The following FMR1 variants were observed in gnomAD, a reference collection of about 807,000 sequenced individuals.
FMR1 encodes the protein fragile X messenger ribonucleoprotein 1.
A neutral mutation model predicts 50.6 loss-of-function variants in FMR1; 13 were observed. The observed-to-expected ratio is 0.26, with a 90% CI of 0.17 to 0.41. The LOEUF is 0.41. Among genes scored for constraint, FMR1 ranks in the 10% least tolerant of loss-of-function variants. The pLI is 1.00. For missense variants in FMR1, 316 were observed against 491.3 expected (o/e 0.64, Z 3.37); for synonymous variants, 138 against 164.1 (o/e 0.84, Z 1.22).
At chrX:147,926,564 T>C (rs1215140664) in intron 3 of FMR1, among the ~76,000 whole-genome samples, 1 of 110,740 alleles carries the variant, frequency 9.0e-6, no homozygotes, top group Non-Finnish European at 1.9e-5. Flanking sequence ...CTTGGCTCCC[T>C]GCAACCTCCG....
rs1473910950 is a variant in FMR1, at chrX:147,925,587, C to A, written c.152C>A (p.Pro51His). 1 of 1,205,407 alleles carries A rather than the reference C, an allele frequency of 8.3e-7. No homozygotes were observed. Among genetic ancestry groups the A allele is most frequent in the Admixed American group, 2.2e-5 (1 of 46,033 alleles). ...QIPFHDVRFP[P>H]PVGYNKDINE... is the part of the protein sequence containing the mutation. ...CCATTTCATGATGTCAGATTCCCACCTCCTGTAGGTTATAATAAAGATATA... is the reference window on the plus strand; with the variant it reads ...CCATTTCATGATGTCAGATTCCCACATCCTGTAGGTTATAATAAAGATATA... The change falls in exon 3 of 17, where the codon CCT becomes CAT. Residue 51 changes from proline (P) to histidine (H), a missense_variant. Coordinates refer to ENST00000370475, the MANE Select transcript of FMR1 (RefSeq NM_002024.6).
chrX:147,915,750 G>A (rs982751013), intron 1 of FMR1, among the ~76,000 whole-genome samples: 3 of 111,600 alleles, frequency 2.7e-5, no homozygotes, highest in Admixed American at 9.5e-5. Flanking sequence ...GCCAGGCACT[G>A]TTCTCTCTGA....
chrX:147,944,483 T>C (rs1365248785), intron 14 of FMR1: 1 of 751,715 alleles, frequency 1.3e-6, no homozygotes, highest in Non-Finnish European at 1.6e-6. Context: ...TAAAAGGAGC[T>C]CTCTTTTTAG....
At position 147,925,522 on chromosome X, in the gene FMR1, A is replaced by G. The variant is rs781866021; in HGVS notation, c.105-18A>G. The G allele has an allele frequency of 6.4e-6, 7 of 1,088,140 alleles. No homozygotes were observed. In the South Asian group the frequency reaches 1.1e-4, roughly 17 times the overall value. 89.7% of individuals were successfully genotyped at this position (1,088,140 alleles called of 1,213,427 possible). On this transcript the variant is annotated intron_variant, in intron 2 of 16. Coordinates refer to ENST00000370475, the MANE Select transcript of FMR1 (RefSeq NM_002024.6). ...CATGAAAAGCATGTTAAATAATTGT[A>G]TGTTTGCTTATTTACAGCTGGCAGC...
intron 15 of FMR1, 78 bp downstream of exon 15, chrX:147,945,129 A>G (rs1266347870): frequency 3.5e-6 from 4 of 1,150,306 alleles, no homozygotes; most frequent in Non-Finnish European, 4.7e-6. Context: ...CTATTGATGC[A>G]ATGAACTGTT....
In FMR1 at chrX:147,940,560, G is replaced by A; in HGVS notation, c.1189-16G>A. On this transcript the variant is annotated splice_polypyrimidine_tract_variant and intron_variant, in intron 12 of 16. Coordinates refer to ENST00000370475, the MANE Select transcript of FMR1 (RefSeq NM_002024.6). ...TCATTACTTTTATAGGATCATTGTTGCAATTTCTTTTTCAGGGTATGGTAC... is the reference window on the plus strand; with the variant it reads ...TCATTACTTTTATAGGATCATTGTTACAATTTCTTTTTCAGGGTATGGTAC... 1 of 1,081,998 alleles carries A rather than the reference G, an allele frequency of 9.2e-7. No homozygotes were observed. The highest frequency in any genetic ancestry group is 1.3e-6 in the Non-Finnish European group (1 of 777,232). The allele number at this position is 1,081,998 out of a possible 1,213,427, so 89.2% of individuals were successfully genotyped here. A position where few individuals can be genotyped will look rare whatever the true frequency, so the allele number is the denominator to read the frequency against.
Position 147,949,490 on chromosome X carries a change from T to C in FMR1, c.*646T>C, listed in dbSNP as rs782059731. 1 of 329,908 alleles carries C rather than the reference T, an allele frequency of 3.0e-6. No homozygotes were observed. Among genetic ancestry groups the C allele is most frequent in the Non-Finnish European group, 5.9e-6 (1 of 170,037 alleles). The allele number at this position is 329,908 out of a possible 1,213,427, so 27.2% of individuals were successfully genotyped here. A position where few individuals can be genotyped will look rare whatever the true frequency, so the allele number is the denominator to read the frequency against. The stretch of plus-strand genomic sequence containing the variant: ...AATGTTAAAGATGTAGCAAACCCTG[T>C]CAAACATTAGTACTTTATAGAAGAA... On this transcript the variant is annotated 3_prime_UTR_variant, in exon 17 of 17. Transcript: ENST00000370475.
intron 1 of FMR1, chrX:147,913,008 G>T (rs1411493052): frequency 4.0e-6 from 1 of 252,631 alleles, no homozygotes; most frequent in Non-Finnish European, 7.0e-6. Flanking sequence ...CATTAGCAGC[G>T]CTGCTACTTA....
intron 16 of FMR1, 55 bp from the exon 17 acceptor site, chrX:147,948,628 T>C: frequency 8.3e-7 from 1 of 1,209,126 alleles, no homozygotes; most frequent in East Asian, 3.0e-5. Flanking sequence ...GTCAGGCCAA[T>C]TACAGATTAC....
chrX:147,921,453 G>T lies in FMR1; in HGVS notation c.52-480G>T, dbSNP rs782269108. ...TTGTTAAAGAAAGTTTAGTATATTTGTGTGTGCGTATATATATATATATAG... is the reference window on the plus strand; with the variant it reads ...TTGTTAAAGAAAGTTTAGTATATTTTTGTGTGCGTATATATATATATATAG... On this transcript the variant is annotated intron_variant, in intron 1 of 16. Coordinates refer to ENST00000370475, the MANE Select transcript of FMR1 (RefSeq NM_002024.6). 4.3e-4 allele frequency among the ~76,000 whole-genome samples: 47 copies of T among 109,622 alleles called. No individual in the cohort carries two copies. The East Asian group carries it at 0.013, about 30-fold the overall frequency.
chrX:147,925,076 G>A (rs1259620046), intron 2 of FMR1: 1 of 141,862 alleles, frequency 7.0e-6, no homozygotes, highest in Non-Finnish European at 1.4e-5. Flanking sequence ...AATTGCTAAT[G>A]TGCTGATAGC....
In FMR1 at chrX:147,932,445, G is replaced by A. The variant is rs146297962; in HGVS notation, c.651G>A (p.Ser217=). The A allele has an allele frequency of 5.7e-4, 684 of 1,208,720 alleles. No individual in the cohort carries two copies. The highest frequency in any genetic ancestry group is 1.6e-3 in the South Asian group (88 of 56,767). Residue 217 remains serine, a synonymous_variant, in exon 8 of 17, where the codon TCG becomes TCA. Coordinates refer to ENST00000370475, the MANE Select transcript of FMR1 (RefSeq NM_002024.6). ...KQLESSRQLA[S]RFHEQFIVRE... Reference sequence around the variant, plus strand: ...TTCAGAGTTCAAGGCAGCTTGCCTCGAGATTTCATGAACAGTTTATCGTAA... The same window carrying A: ...TTCAGAGTTCAAGGCAGCTTGCCTCAAGATTTCATGAACAGTTTATCGTAA...
intron 7 of FMR1, 46 bp from the exon 8 acceptor site, chrX:147,932,379 G>A (rs1569545758): frequency 1.2e-5 from 14 of 1,148,143 alleles, no homozygotes; most frequent in East Asian, 3.0e-5. Context: ...TACAGTTGTC[G>A]TAATAGTTGA....
At chrX:147,929,693 C>T (rs1167943437) in intron 5 of FMR1, among the ~76,000 whole-genome samples, 1 of 111,592 alleles carries the variant, frequency 9.0e-6, no homozygotes, top group Non-Finnish European at 1.9e-5. Context: ...CTTAAGAAAA[C>T]TACTGACTTG....
Position 147,949,578 on chromosome X carries a change from CTTGTTT to C in FMR1, c.*748_*753del. The C allele has an allele frequency of 3.0e-6, 1 of 328,772 alleles. No individual in the cohort carries two copies. Among genetic ancestry groups the C allele is most frequent in the South Asian group, 2.6e-5 (1 of 38,449 alleles). 27.1% of individuals were successfully genotyped at this position (328,772 alleles called of 1,213,427 possible). A position where few individuals can be genotyped will look rare whatever the true frequency, so the allele number is the denominator to read the frequency against. On this transcript the variant is annotated 3_prime_UTR_variant, in exon 17 of 17. Transcript: ENST00000370475. ...AGGTTAGGCAGTATAAAGAATAGGA[CTTGTTT>C]TTGTTTTTGTTTTGTTGCACTGAAG...
chrX:147,944,783 CT>C (rs2044118484), intron 14 of FMR1, 85 bp from the exon 15 acceptor site: 7 of 1,147,683 alleles, frequency 6.1e-6, no homozygotes, highest in Admixed American at 5.5e-5. Flanking sequence ...TGGATTACCC[CT>C]GAAACGTCTC....
chrX:147,934,877 G>A (rs782601958), intron 9 of FMR1, among the ~76,000 whole-genome samples: 8 of 111,419 alleles, frequency 7.2e-5, no homozygotes, highest in Non-Finnish European at 1.3e-4. Context: ...GTCAACCAAC[G>A]TTATTTGTGA....
intron 3 of FMR1, 58 bp from the exon 4 acceptor site, chrX:147,928,264 C>A: frequency 9.5e-7 from 1 of 1,053,314 alleles, no homozygotes; most frequent in Non-Finnish European, 1.3e-6. Flanking sequence ...ATCTGAAAAT[C>A]TGTAGATTTC....
intron 9 of FMR1, 99 bp downstream of exon 9, chrX:147,932,862 A>G (rs1166486845): frequency 9.0e-6 from 5 of 554,526 alleles, no homozygotes; most frequent in African/African-American, 7.0e-5. Flanking sequence ...ACTGGAGGGT[A>G]TCATTTAATT....
Sources: allele counts gnomAD v4.1 joint callset (sites outside exome capture counted in the v4.1 genomes callset), GRCh38; gene constraint gnomAD v4.1.1; transcripts MANE v1.5; gene names NCBI Gene and HGNC (gene_info 2026-07-23, HGNC 2026-07-21).